NKAIN3: variants seen among roughly 807,000 people sequenced by gnomAD.
NKAIN3 encodes sodium/potassium-transporting ATPase subunit beta-1-interacting protein 3.
Under a neutral mutation model 30.2 loss-of-function variants are expected in NKAIN3, and 25 were observed. The ratio of observed to expected loss-of-function variants is 0.83; its 90% confidence interval spans 0.60 to 1.16. The LOEUF (loss-of-function observed/expected upper bound fraction) is 1.16, where lower values mean the gene tolerates loss of function less well. Among genes scored for constraint, NKAIN3 ranks in the 50% most tolerant of loss-of-function variants. The pLI is 0.00. For synonymous variants in NKAIN3, 91 were observed against 89.6 expected (o/e 1.02, Z -0.09); for missense variants, 225 against 254.1 (o/e 0.89, Z 0.78).
intron 3 of NKAIN3, among the ~76,000 whole-genome samples, chr8:62,657,237 G>A (rs1812787752): frequency 6.6e-6 from 1 of 152,064 alleles, no homozygotes; most frequent in Admixed American, 6.6e-5. Context: ...TATTTCATAA[G>A]TATACAATAA....
intron 1 of NKAIN3, among the ~76,000 whole-genome samples, chr8:62,403,414 C>A (rs933755271): frequency 3.9e-5 from 6 of 152,166 alleles, no homozygotes; most frequent in African/African-American, 1.2e-4. Context: ...CATGGCAGCC[C>A]CTTTCATTAC....
At chr8:62,794,729 G>A (rs1817807585) in intron 4 of NKAIN3, among the ~76,000 whole-genome samples, 1 of 152,136 alleles carries the variant, frequency 6.6e-6, no homozygotes, top group South Asian at 2.1e-4. Context: ...CTACAGCCCT[G>A]TGATACTGCG....
chr8:62,579,695 A>C lies in NKAIN3; in HGVS notation c.192+19A>C. 7.2e-7 allele frequency: 1 copy of C among 1,380,862 alleles called. No individual in the cohort carries two copies. The highest frequency in any genetic ancestry group is 9.5e-7 in the Non-Finnish European group (1 of 1,051,342). The allele number at this position is 1,380,862 out of a possible 1,614,324, so 85.5% of individuals were successfully genotyped here. A position where few individuals can be genotyped will look rare whatever the true frequency, so the allele number is the denominator to read the frequency against. Reference sequence around the variant, plus strand: ...AATGGTGGTAAGTCTTATTTTTATCATTTTGCTTCATATAAACAATTCAAA... The same window carrying C: ...AATGGTGGTAAGTCTTATTTTTATCCTTTTGCTTCATATAAACAATTCAAA... On this transcript the variant is annotated intron_variant, in intron 2 of 6. Coordinates refer to ENST00000623646, the MANE Select transcript of NKAIN3 (RefSeq NM_001304533.3).
chr8:62,271,717 T>C (rs1312677190), intron 1 of NKAIN3, among the ~76,000 whole-genome samples: 1 of 152,204 alleles, frequency 6.6e-6, no homozygotes, highest in African/African-American at 2.4e-5. Context: ...AATTATGTTT[T>C]AGAGATCATC....
intron 1 of NKAIN3, among the ~76,000 whole-genome samples, chr8:62,542,787 A>G (rs908018157): frequency 6.6e-6 from 1 of 152,176 alleles, no homozygotes; most frequent in Non-Finnish European, 1.5e-5. Flanking sequence ...ATGCAGTTAA[A>G]TGTTCCTTAT....
chr8:62,938,374 A>C (rs1822852247), intron 5 of NKAIN3, among the ~76,000 whole-genome samples: 1 of 152,118 alleles, frequency 6.6e-6, no homozygotes, highest in Admixed American at 6.5e-5. Context: ...ACCACCTGTA[A>C]CATCCTGGCT....
chr8:62,808,680 T>A (rs1442853893), intron 4 of NKAIN3, among the ~76,000 whole-genome samples: 1 of 152,004 alleles, frequency 6.6e-6, no homozygotes, highest in East Asian at 1.9e-4. Flanking sequence ...AGTGTATGAA[T>A]AGAGTGTGGG....
chr8:62,309,122 T>A (rs1458043161), intron 1 of NKAIN3, among the ~76,000 whole-genome samples: 1 of 150,650 alleles, frequency 6.6e-6, no homozygotes, highest in Non-Finnish European at 1.5e-5. Flanking sequence ...TCAACCCATA[T>A]ACTAAAAGGT....
intron 1 of NKAIN3, among the ~76,000 whole-genome samples, chr8:62,362,807 CAAAG>C (rs977911541): frequency 1.3e-4 from 19 of 151,186 alleles, no homozygotes; most frequent in African/African-American, 4.6e-4. Flanking sequence ...AATTTATAGA[CAAAG>C]AAAGTAAAGT....
At chr8:62,518,219 G>C (rs1808053100) in intron 1 of NKAIN3, among the ~76,000 whole-genome samples, 1 of 152,042 alleles carries the variant, frequency 6.6e-6, no homozygotes, top group Admixed American at 6.6e-5. Context: ...AATTAGCCAG[G>C]CATGGTGGTT....
intron 5 of NKAIN3, among the ~76,000 whole-genome samples, chr8:62,932,187 T>C (rs1013053035): frequency 2.6e-5 from 4 of 152,216 alleles, no homozygotes. Flanking sequence ...TAAACAAACT[T>C]AAATAGCTAA....
intron 4 of NKAIN3, among the ~76,000 whole-genome samples, chr8:62,792,533 T>C (rs1817736331): frequency 1.1e-3 from 4 of 3,650 alleles, no homozygotes; most frequent in Admixed American, 8.8e-3. Flanking sequence ...GACATTGAAA[T>C]GGAGAGAAGA....
At chr8:62,788,084 C>T (rs1817580848) in intron 4 of NKAIN3, among the ~76,000 whole-genome samples, 2 of 152,194 alleles carry the variant, frequency 1.3e-5, no homozygotes, top group Admixed American at 1.3e-4. Context: ...AATGGTATTT[C>T]TAGTTCTAGA....
At chr8:62,670,233 G>A (rs1193334815) in intron 3 of NKAIN3, among the ~76,000 whole-genome samples, 1 of 152,134 alleles carries the variant, frequency 6.6e-6, no homozygotes, top group Admixed American at 6.5e-5. Flanking sequence ...TATTATGTGT[G>A]TGTGGCTTCA....
At chr8:62,365,936 T>A (rs1816723744) in intron 1 of NKAIN3, among the ~76,000 whole-genome samples, 1 of 152,098 alleles carries the variant, frequency 6.6e-6, no homozygotes, top group Non-Finnish European at 1.5e-5. Flanking sequence ...TTGGACGTAT[T>A]CCCCCCGCTT....
intron 1 of NKAIN3, among the ~76,000 whole-genome samples, chr8:62,535,193 G>A (rs1205137568): frequency 6.6e-6 from 1 of 152,140 alleles, no homozygotes; most frequent in African/African-American, 2.4e-5. Flanking sequence ...GACAGCACAT[G>A]CCACAGTCCA....
chr8:62,483,686 C>A, intron 1 of NKAIN3: 2 of 272,082 alleles, frequency 7.4e-6, no homozygotes, highest in South Asian at 1.0e-4. Flanking sequence ...TGGAGGTTGT[C>A]AGGGACAATA....
intron 1 of NKAIN3, among the ~76,000 whole-genome samples, chr8:62,517,447 A>G (rs374469934): frequency 6.6e-6 from 1 of 152,156 alleles, no homozygotes; most frequent in African/African-American, 2.4e-5. Flanking sequence ...TAAAAACATT[A>G]TCTGGAACTC....
intron 1 of NKAIN3, among the ~76,000 whole-genome samples, chr8:62,285,761 C>T (rs1409775866): frequency 1.3e-5 from 2 of 152,152 alleles, no homozygotes; most frequent in African/African-American, 4.8e-5. Flanking sequence ...GTGACCCAGT[C>T]ATACAAAAAT....
Sources: allele counts gnomAD v4.1 joint callset (sites outside exome capture counted in the v4.1 genomes callset), GRCh38; gene constraint gnomAD v4.1.1; transcripts MANE v1.5; gene names NCBI Gene and HGNC (gene_info 2026-07-23, HGNC 2026-07-21).